Variants in DPYD observed in about 807,000 individuals in gnomAD.
DPYD encodes dihydropyrimidine dehydrogenase [NADP(+)].
In DPYD, 109 loss-of-function variants were observed where a neutral mutation model predicts 116.2. The observed-to-expected ratio is 0.94, with a 90% CI of 0.80 to 1.10. The LOEUF is 1.10. Ranked by LOEUF, DPYD falls within the 50% of genes least tolerant of loss-of-function variation. DPYD has a pLI of 0.00. For missense variants in DPYD, 1,302 were observed against 1,254.5 expected (o/e 1.04, Z -0.57); for synonymous variants, 440 against 432.0 (o/e 1.02, Z -0.23).
chr1:97,773,421 T>C (rs1232220312), intron 3 of DPYD, among the ~76,000 whole-genome samples: 1 of 152,120 alleles, frequency 6.6e-6, no homozygotes, highest in Non-Finnish European at 1.5e-5. Flanking sequence ...AAGGGCATTG[T>C]CCCCGGTGAG....
intron 3 of DPYD, among the ~76,000 whole-genome samples, chr1:97,825,338 A>G (rs183400174): frequency 8.5e-5 from 13 of 152,110 alleles, no homozygotes; most frequent in Middle Eastern, 3.4e-3. Flanking sequence ...AAATAGTAAA[A>G]CCTAAATAAA....
chr1:97,902,741 T>A (rs544381645), intron 1 of DPYD, among the ~76,000 whole-genome samples: 1 of 151,954 alleles, frequency 6.6e-6, no homozygotes, highest in East Asian at 1.9e-4. Context: ...CTAATGAGAT[T>A]TCTTTATTAT....
At chr1:97,480,619 T>A (rs1678242846) in intron 13 of DPYD, among the ~76,000 whole-genome samples, 1 of 152,224 alleles carries the variant, frequency 6.6e-6, no homozygotes, top group Admixed American at 6.5e-5. Flanking sequence ...CAAAATATTT[T>A]TGGCATTATT....
chr1:97,321,438 C>T (rs1451223546), intron 16 of DPYD, among the ~76,000 whole-genome samples: 2 of 39,002 alleles, frequency 5.1e-5, no homozygotes, highest in East Asian at 8.0e-4. Context: ...TGAACAGACA[C>T]TTCTCAAAAG....
At chr1:97,472,261 G>T (rs1313393647) in intron 13 of DPYD, among the ~76,000 whole-genome samples, 1 of 152,204 alleles carries the variant, frequency 6.6e-6, no homozygotes, top group Non-Finnish European at 1.5e-5. Flanking sequence ...TAAAGGGTTT[G>T]AGGATAGTGT....
intron 18 of DPYD, among the ~76,000 whole-genome samples, chr1:97,245,717 G>C (rs1345255011): frequency 6.6e-6 from 1 of 151,948 alleles, no homozygotes; most frequent in Non-Finnish European, 1.5e-5. Flanking sequence ...AGAACATACA[G>C]AAAAATAAAA....
intron 13 of DPYD, among the ~76,000 whole-genome samples, chr1:97,481,467 A>G (rs904651302): frequency 9.9e-5 from 15 of 152,196 alleles, no homozygotes; most frequent in African/African-American, 2.4e-4. Context: ...TAGAGAAATT[A>G]TAGTATAGGA....
intron 13 of DPYD, among the ~76,000 whole-genome samples, chr1:97,513,466 T>C (rs1037339948): frequency 6.6e-5 from 10 of 151,754 alleles, no homozygotes; most frequent in African/African-American, 2.4e-4. Flanking sequence ...CAAAATTGTA[T>C]TGTGAAATAT....
intron 8 of DPYD, among the ~76,000 whole-genome samples, chr1:97,668,620 T>G (rs184794247): frequency 6.6e-6 from 1 of 152,086 alleles, no homozygotes; most frequent in African/African-American, 2.4e-5. Context: ...CTTTAAAATG[T>G]GATCAACCAA....
At chr1:97,349,809 G>A (rs1214781217) in intron 16 of DPYD, among the ~76,000 whole-genome samples, 4 of 151,986 alleles carry the variant, frequency 2.6e-5, no homozygotes, top group South Asian at 2.1e-4. Context: ...ATAAATATAC[G>A]TGTGCATGTG....
At chr1:97,198,169 C>T (rs114625748) in intron 19 of DPYD, among the ~76,000 whole-genome samples, 11 of 152,136 alleles carry the variant, frequency 7.2e-5, no homozygotes, top group African/African-American at 2.6e-4. Context: ...GAGTGAGATC[C>T]TGCATTGGCC....
At chr1:97,840,164 G>A (rs1190422970) in intron 2 of DPYD, among the ~76,000 whole-genome samples, 12 of 151,770 alleles carry the variant, frequency 7.9e-5, no homozygotes, top group African/African-American at 2.9e-4. Context: ...ATTTTTAGAG[G>A]AAAATGTATA....
intron 18 of DPYD, among the ~76,000 whole-genome samples, chr1:97,295,236 G>C (rs1284960206): frequency 6.6e-6 from 1 of 152,064 alleles, no homozygotes; most frequent in Non-Finnish European, 1.5e-5. Context: ...GTTCAATAAA[G>C]TTCTGGGCAC....
At chr1:97,250,612 G>A (rs900070022) in intron 18 of DPYD, among the ~76,000 whole-genome samples, 3 of 152,142 alleles carry the variant, frequency 2.0e-5, no homozygotes, top group East Asian at 3.9e-4. Context: ...TATATTGAAC[G>A]TAAATGAGGC....
At chr1:97,864,912 T>G (rs1475353703) in intron 2 of DPYD, among the ~76,000 whole-genome samples, 3 of 151,926 alleles carry the variant, frequency 2.0e-5, no homozygotes, top group African/African-American at 7.2e-5. Flanking sequence ...TTTTGAAGCC[T>G]GATTCTAGGT....
At chr1:97,560,302 G>T (rs948998441) in intron 11 of DPYD, among the ~76,000 whole-genome samples, 1 of 152,136 alleles carries the variant, frequency 6.6e-6, no homozygotes, top group African/African-American at 2.4e-5. Flanking sequence ...GCCAAGTAAA[G>T]AGGTAAATTC....
intron 8 of DPYD, among the ~76,000 whole-genome samples, chr1:97,655,893 GA>G (rs1658874850): frequency 1.3e-5 from 2 of 152,158 alleles, no homozygotes; most frequent in African/African-American, 4.8e-5. Flanking sequence ...AAATCAGGAT[GA>G]AAAGGGTTAG....
intron 16 of DPYD, among the ~76,000 whole-genome samples, chr1:97,355,391 T>A (rs1670377296): frequency 6.6e-6 from 1 of 152,162 alleles, no homozygotes; most frequent in African/African-American, 2.4e-5. Context: ...TACTTACTTT[T>A]TGTGGTGAGA....
At chr1:97,609,256 T>C (rs1321628129) in intron 8 of DPYD, among the ~76,000 whole-genome samples, 4 of 151,958 alleles carry the variant, frequency 2.6e-5, no homozygotes, top group Non-Finnish European at 4.4e-5. Flanking sequence ...GACCAGGCTG[T>C]ATAAAGGGCC....
Sources: allele counts gnomAD v4.1 joint callset (sites outside exome capture counted in the v4.1 genomes callset), GRCh38; gene constraint gnomAD v4.1.1; transcripts MANE v1.5; gene names NCBI Gene and HGNC (gene_info 2026-07-23, HGNC 2026-07-21).